The following SGCZ variants were observed in gnomAD, a reference collection of about 807,000 sequenced individuals.
The protein encoded by SGCZ is zeta-sarcoglycan.
SGCZ carries 40 observed loss-of-function variants against 41.3 expected under a neutral mutation model. The ratio of observed to expected loss-of-function variants is 0.97; its 90% CI spans 0.75 to 1.26. The LOEUF is 1.26. Among genes scored for constraint, SGCZ ranks in the 50% most tolerant of loss-of-function variants. SGCZ has a pLI of 0.00. For missense variants in SGCZ, 552 were observed against 369.8 expected (o/e 1.49, Z -4.04); for synonymous variants, 206 against 137.5 (o/e 1.50, Z -3.49).
At chr8:14,715,207 C>A (rs1270363724) in intron 1 of SGCZ, among the ~76,000 whole-genome samples, 1 of 152,018 alleles carries the variant, frequency 6.6e-6, no homozygotes, top group Non-Finnish European at 1.5e-5. Flanking sequence ...GAATACCTAA[C>A]AATGGAAATC....
chr8:14,689,071 TA>T lies in SGCZ; in HGVS notation c.40-134146del, dbSNP rs1193071491. On this transcript the variant is annotated intron_variant, in intron 1 of 7. Coordinates refer to ENST00000382080, the MANE Select transcript of SGCZ (RefSeq NM_139167.4). ...CTTATTTCAATTGTTAAAATTATTA[TA>T]ATAGTTCTTTTCTATGTTAGCACTA... is the stretch of plus-strand genomic sequence containing the variant. Among the ~76,000 whole-genome samples the T allele has an allele frequency of 4.6e-5, 7 of 152,306 alleles. No homozygotes were observed. In the East Asian group the frequency reaches 1.3e-3, roughly 29 times the overall value.
chr8:14,194,170 G>C (rs924891223), intron 4 of SGCZ, among the ~76,000 whole-genome samples: 7 of 151,832 alleles, frequency 4.6e-5, no homozygotes, highest in Non-Finnish European at 1.0e-4. Context: ...AACTATGTTA[G>C]ATGCCTTTAA....
intron 1 of SGCZ, among the ~76,000 whole-genome samples, chr8:14,660,615 T>G (rs1163430367): frequency 7.0e-6 from 1 of 143,842 alleles, no homozygotes; most frequent in Non-Finnish European, 1.5e-5. Flanking sequence ...ATAGCTGCAG[T>G]AAGGTCATTT....
intron 1 of SGCZ, among the ~76,000 whole-genome samples, chr8:15,208,848 T>C (rs1481091390): frequency 1.3e-5 from 2 of 151,644 alleles, no homozygotes; most frequent in African/African-American, 2.4e-5. Flanking sequence ...TAGTATCTTA[T>C]ATAATTCCTA....
At chr8:14,318,204 A>C (rs1801779951) in intron 3 of SGCZ, among the ~76,000 whole-genome samples, 1 of 151,804 alleles carries the variant, frequency 6.6e-6, no homozygotes, top group Admixed American at 6.6e-5. Context: ...AAAGGCGGGA[A>C]AGGGGGGAAG....
At chr8:14,625,754 T>C (rs1387110187) in intron 1 of SGCZ, among the ~76,000 whole-genome samples, 4 of 152,064 alleles carry the variant, frequency 2.6e-5, no homozygotes, top group Non-Finnish European at 4.4e-5. Flanking sequence ...GTAAGAATTC[T>C]CCCCCAAGTT....
chr8:15,023,827 T>C (rs970600614), intron 1 of SGCZ, among the ~76,000 whole-genome samples: 4 of 152,140 alleles, frequency 2.6e-5, no homozygotes, highest in Non-Finnish European at 2.9e-5. Context: ...TATAAAACAC[T>C]AAGTGATCTA....
At chr8:14,676,818 A>G (rs1415526233) in intron 1 of SGCZ, among the ~76,000 whole-genome samples, 1 of 152,182 alleles carries the variant, frequency 6.6e-6, no homozygotes, top group Non-Finnish European at 1.5e-5. Context: ...CGTATTTTCT[A>G]AGCTTAATAA....
chr8:15,168,232 G>C (rs1232116529), intron 1 of SGCZ, among the ~76,000 whole-genome samples: 1 of 152,178 alleles, frequency 6.6e-6, no homozygotes, highest in East Asian at 1.9e-4. Context: ...CTGGGTCTAA[G>C]GGATTCAGAG....
chr8:15,146,854 G>C (rs1799050136), intron 1 of SGCZ, among the ~76,000 whole-genome samples: 1 of 151,784 alleles, frequency 6.6e-6, no homozygotes, highest in Non-Finnish European at 1.5e-5. Context: ...AGTTGTTTAG[G>C]CTATCATTAG....
intron 4 of SGCZ, among the ~76,000 whole-genome samples, chr8:14,191,163 T>C (rs763586802): frequency 6.6e-6 from 1 of 152,218 alleles, no homozygotes; most frequent in Non-Finnish European, 1.5e-5. Context: ...CTGTTAAGGT[T>C]CTTTGCCCAT....
At chr8:15,134,752 G>C (rs1808046507) in intron 1 of SGCZ, among the ~76,000 whole-genome samples, 1 of 152,136 alleles carries the variant, frequency 6.6e-6, no homozygotes, top group Admixed American at 6.5e-5. Context: ...GAATATTCCA[G>C]AAAGGATGCA....
At chr8:14,249,497 A>G (rs1799213163) in intron 3 of SGCZ, among the ~76,000 whole-genome samples, 1 of 152,196 alleles carries the variant, frequency 6.6e-6, no homozygotes, top group Non-Finnish European at 1.5e-5. Context: ...GAACATGGTA[A>G]AAACATGCAT....
At chr8:14,245,662 C>G (rs1799061598) in intron 3 of SGCZ, among the ~76,000 whole-genome samples, 1 of 151,832 alleles carries the variant, frequency 6.6e-6, no homozygotes, top group Admixed American at 6.6e-5. Context: ...AAAGGCAATA[C>G]ACAAAACGGG....
intron 2 of SGCZ, among the ~76,000 whole-genome samples, chr8:14,464,263 G>C (rs1410457017): frequency 6.7e-6 from 1 of 150,292 alleles, no homozygotes; most frequent in Non-Finnish European, 1.5e-5. Flanking sequence ...TCTTTGTCAG[G>C]AGATTTTTTT....
At chr8:14,152,902 C>A (rs1182324097) in intron 5 of SGCZ, among the ~76,000 whole-genome samples, 2 of 152,044 alleles carry the variant, frequency 1.3e-5, no homozygotes, top group African/African-American at 4.8e-5. Context: ...GGAAATTATG[C>A]TGAGTGAAAA....
At chr8:14,588,086 G>C (rs1218473972) in intron 1 of SGCZ, among the ~76,000 whole-genome samples, 2 of 151,808 alleles carry the variant, frequency 1.3e-5, no homozygotes, top group Non-Finnish European at 2.9e-5. Context: ...ATTTTTGCTA[G>C]AGATCATTAA....
Position 14,721,574 on chromosome 8 carries a change from C to T in SGCZ, c.40-166648G>A, listed in dbSNP as rs1345381013. Among the ~76,000 whole-genome samples, 4 of 152,154 alleles carry T rather than the reference C, an allele frequency of 2.6e-5. No individual in the cohort carries two copies. In the South Asian group the frequency reaches 8.3e-4, roughly 32 times the overall value. ...TTAAAGTATACACAGAATCCGTCTA[C>T]TTCTCACCACCTCTACCACTCACAG... is the stretch of plus-strand genomic sequence containing the variant. On this transcript the variant is annotated intron_variant, in intron 1 of 7. Transcript: ENST00000382080.
intron 1 of SGCZ, among the ~76,000 whole-genome samples, chr8:15,236,556 G>A (rs1802127910): frequency 1.3e-5 from 2 of 152,200 alleles, no homozygotes; most frequent in Non-Finnish European, 2.9e-5. Context: ...TTCAATAAAA[G>A]AGGTGCTTCC....
Sources: allele counts gnomAD v4.1 joint callset (sites outside exome capture counted in the v4.1 genomes callset), GRCh38; gene constraint gnomAD v4.1.1; transcripts MANE v1.5; gene names NCBI Gene and HGNC (gene_info 2026-07-23, HGNC 2026-07-21).